ADAMTS12: variants seen among roughly 807,000 people sequenced by gnomAD.
ADAMTS12 encodes the protein A disintegrin and metalloproteinase with thrombospondin motifs 12.
In ADAMTS12, 118 loss-of-function variants were observed where a neutral mutation model predicts 167.8. That is an observed-to-expected ratio of 0.70 (90% CI 0.61 to 0.82). ADAMTS12 has a LOEUF of 0.82. ADAMTS12 is among the 40% of genes least tolerant of loss of function. The pLI, the probability that ADAMTS12 is intolerant of heterozygous loss-of-function variation, is 0.00. For missense variants in ADAMTS12, 1,916 were observed against 1,998.8 expected, an observed-to-expected ratio of 0.96 and a Z score of 0.79; for synonymous variants, 704 against 716.9, an observed-to-expected ratio of 0.98 and a Z score of 0.29.
chr5:33,568,750 G>A (rs945150339), intron 19 of ADAMTS12, among the ~76,000 whole-genome samples: 9 of 152,266 alleles, frequency 5.9e-5, no homozygotes, highest in Non-Finnish European at 1.2e-4. Context: ...GCACAGGACA[G>A]TGGGTGCAGC....
At chr5:33,614,725 G>A (rs1482679979) in intron 15 of ADAMTS12, among the ~76,000 whole-genome samples, 2 of 152,156 alleles carry the variant, frequency 1.3e-5, no homozygotes, top group Non-Finnish European at 2.9e-5. Context: ...ACAATAGGCC[G>A]ATAGGTTACT....
intron 23 of ADAMTS12, among the ~76,000 whole-genome samples, chr5:33,530,086 A>ATT (rs35615625): frequency 0.47 from 70,372 of 149,526 alleles, 17,851 homozygotes; most frequent in East Asian, 0.71. Flanking sequence ...TGCCCAGCTA[A>ATT]TTTTTTTTTT....
At chr5:33,802,737 C>T (rs1429547401) in intron 2 of ADAMTS12, among the ~76,000 whole-genome samples, 2 of 152,182 alleles carry the variant, frequency 1.3e-5, no homozygotes, top group Non-Finnish European at 2.9e-5. Context: ...CTCTGATCCC[C>T]AAGTAAATTC....
At position 33,591,099 on chromosome 5, in the gene ADAMTS12, TG is replaced by T. The variant is rs1389707260; in HGVS notation, c.2655-2291del. 2.8e-3 allele frequency among the ~76,000 whole-genome samples: 380 copies of T among 134,328 alleles called. 3 individuals are homozygous for T. Among genetic ancestry groups the T allele is most frequent in the African/African-American group, 9.3e-3 (365 of 39,186 alleles). 88.1% of individuals were successfully genotyped at this position (134,328 alleles called of 152,430 possible). ...ATGTCTAAGTGTGTGTGTGTGTGTG[TG>T]TGTGTATGTGTGTGCCTATGTTTGA... On this transcript the variant is annotated intron_variant, in intron 17 of 23. Transcript: ENST00000504830.
intron 2 of ADAMTS12, among the ~76,000 whole-genome samples, chr5:33,836,257 AG>A (rs1321621743): frequency 6.6e-6 from 1 of 152,042 alleles, no homozygotes; most frequent in Non-Finnish European, 1.5e-5. Context: ...AGCCTGAAGG[AG>A]GGGGCCGGGC....
chr5:33,806,406 A>G (rs116139207), intron 2 of ADAMTS12, among the ~76,000 whole-genome samples: 218 of 152,322 alleles, frequency 1.4e-3, no homozygotes, highest in African/African-American at 5.0e-3. Context: ...GGGGCTTTTC[A>G]ATACCAGTCT....
intron 5 of ADAMTS12, 70 bp from the exon 6 acceptor site, chr5:33,662,110 TC>T: frequency 6.4e-7 from 1 of 1,573,996 alleles, no homozygotes; most frequent in Non-Finnish European, 8.6e-7. Flanking sequence ...CATTAGGCAT[TC>T]ATCTCCAGAG....
intron 18 of ADAMTS12, among the ~76,000 whole-genome samples, chr5:33,583,199 A>G (rs772723768): frequency 2.6e-5 from 4 of 152,026 alleles, no homozygotes; most frequent in Non-Finnish European, 5.9e-5. Flanking sequence ...CATAAGTTCA[A>G]TTGTTTTGAT....
intron 22 of ADAMTS12, among the ~76,000 whole-genome samples, chr5:33,537,230 C>T (rs1051356922): frequency 5.3e-5 from 8 of 152,162 alleles, no homozygotes; most frequent in Non-Finnish European, 1.2e-4. Context: ...GATCAATCAA[C>T]TTGATGGAAT....
chr5:33,843,255 T>C (rs1748810600), intron 2 of ADAMTS12, among the ~76,000 whole-genome samples: 1 of 152,202 alleles, frequency 6.6e-6, no homozygotes, highest in Non-Finnish European at 1.5e-5. Context: ...AGCCCAGGAC[T>C]GAGCAAGATG....
At chr5:33,582,793 C>T (rs1033064339) in intron 18 of ADAMTS12, among the ~76,000 whole-genome samples, 23 of 152,124 alleles carry the variant, frequency 1.5e-4, no homozygotes, top group Admixed American at 8.5e-4. Flanking sequence ...TCAAGTGAAA[C>T]GTAACTTTTG....
intron 17 of ADAMTS12, among the ~76,000 whole-genome samples, chr5:33,593,577 A>T (rs913598749): frequency 6.6e-6 from 1 of 152,208 alleles, no homozygotes; most frequent in South Asian, 2.1e-4. Context: ...TAACACAGGA[A>T]CAGAAAACCA....
intron 2 of ADAMTS12, among the ~76,000 whole-genome samples, chr5:33,870,177 C>G (rs183474492): frequency 6.6e-6 from 1 of 152,242 alleles, no homozygotes; most frequent in Non-Finnish European, 1.5e-5. Context: ...ATTGTTCAAA[C>G]ACACAGGCTT....
intron 20 of ADAMTS12, among the ~76,000 whole-genome samples, chr5:33,554,611 C>T (rs1324115827): frequency 1.3e-5 from 2 of 152,158 alleles, no homozygotes; most frequent in African/African-American, 4.8e-5. Context: ...CTATAACATA[C>T]AATTCTAGGT....
chr5:33,889,470 C>T (rs549115770), intron 1 of ADAMTS12, among the ~76,000 whole-genome samples: 1 of 152,266 alleles, frequency 6.6e-6, no homozygotes, highest in South Asian at 2.1e-4. Context: ...CCCAGGCCAT[C>T]CTAATCCCAG....
At chr5:33,552,327 T>A (rs1427661309) in intron 20 of ADAMTS12, among the ~76,000 whole-genome samples, 1 of 152,188 alleles carries the variant, frequency 6.6e-6, no homozygotes. Context: ...TGGCATCAAG[T>A]GGCTATGTGA....
At chr5:33,825,519 A>G (rs982845166) in intron 2 of ADAMTS12, among the ~76,000 whole-genome samples, 4 of 152,196 alleles carry the variant, frequency 2.6e-5, no homozygotes, top group African/African-American at 7.2e-5. Context: ...TTGTACATTC[A>G]GGATTTGTGT....
Position 33,881,118 on chromosome 5 carries a change from C to T in ADAMTS12, c.489+1G>A, listed in dbSNP as rs1561325366. The T allele has an allele frequency of 6.2e-7, 1 of 1,612,424 alleles. No homozygotes were observed. The highest frequency in any genetic ancestry group is 8.5e-7 in the Non-Finnish European group (1 of 1,179,494). On this transcript the variant is annotated splice_donor_variant, in intron 2 of 23. Transcript: ENST00000504830. LOFTEE classifies it high-confidence loss of function. ...AAGGAGATGCCAGAGCCCACACTCA[C>T]CAGTCCATGGCAGGCACTGAGGGCT...
intron 22 of ADAMTS12, among the ~76,000 whole-genome samples, chr5:33,541,449 G>A (rs975484023): frequency 1.6e-4 from 24 of 152,102 alleles, no homozygotes; most frequent in African/African-American, 5.1e-4. Context: ...ACCTAGCAAG[G>A]CAGGCCAACA....
Sources: allele counts gnomAD v4.1 joint callset (sites outside exome capture counted in the v4.1 genomes callset), GRCh38; gene constraint gnomAD v4.1.1; transcripts MANE v1.5; gene names NCBI Gene and HGNC (gene_info 2026-07-23, HGNC 2026-07-21).